KCNK1: variants seen among roughly 807,000 people sequenced by gnomAD.
The protein encoded by KCNK1 is potassium channel subfamily K member 1.
A neutral mutation model predicts 22.2 loss-of-function variants in KCNK1; 10 were observed. The ratio of observed to expected loss-of-function variants is 0.45; its 90% confidence interval spans 0.28 to 0.76. KCNK1 has a LOEUF of 0.76. Ranked by LOEUF, KCNK1 falls within the 30% of genes least tolerant of loss-of-function variation. The pLI is 0.14. For missense variants in KCNK1, 378 were observed against 421.0 expected, an observed-to-expected ratio of 0.90 and a Z score of 0.89; for synonymous variants, 200 against 186.4, an observed-to-expected ratio of 1.07 and a Z score of -0.60.
chr1:233,639,663 C>G (rs373422432), intron 1 of KCNK1, among the ~76,000 whole-genome samples: 2 of 152,194 alleles, frequency 1.3e-5, no homozygotes, highest in African/African-American at 4.8e-5. Flanking sequence ...AGAGTTGATG[C>G]TTCTTAAGCT....
intron 1 of KCNK1, among the ~76,000 whole-genome samples, chr1:233,664,147 T>C (rs1270230238): frequency 6.6e-6 from 1 of 152,118 alleles, no homozygotes; most frequent in Non-Finnish European, 1.5e-5. Flanking sequence ...GGCTTTTTTA[T>C]GGTTAAATAA....
In KCNK1 at chr1:233,653,819, T is replaced by C. The variant is rs115769846; in HGVS notation, c.356-12776T>C. Reference sequence around the variant, plus strand: ...GCCAATTCCCATAATAAATCTCTTCTTATATATCTATATATATCCTATTGC... The same window carrying C: ...GCCAATTCCCATAATAAATCTCTTCCTATATATCTATATATATCCTATTGC... On this transcript the variant is annotated intron_variant, in intron 1 of 2. Transcript: ENST00000366621. Among the ~76,000 whole-genome samples the C allele has an allele frequency of 2.3e-3, 355 of 152,206 alleles. 4 individuals are homozygous for C. The Middle Eastern group carries it at 0.041, about 17-fold the overall frequency.
At chr1:233,635,591 T>C (rs867970087) in intron 1 of KCNK1, among the ~76,000 whole-genome samples, 5 of 139,944 alleles carry the variant, frequency 3.6e-5, no homozygotes, top group Middle Eastern at 3.5e-3. Flanking sequence ...CATAAGCCAA[T>C]AATTTTTTTT....
At chr1:233,659,804 C>T (rs6424219) in intron 1 of KCNK1, among the ~76,000 whole-genome samples, 149,611 of 152,264 alleles carry the variant, frequency 0.98, 73,526 homozygotes, top group East Asian at 1. Flanking sequence ...ACATTGACTA[C>T]ACTGCCGGCA....
chr1:233,671,426 T>C lies in KCNK1; in HGVS notation c.907T>C (p.Ser303Pro). ...IIEHDQLSFS[S>P]ITDQAAGMKE... is the part of the protein sequence containing the mutation. ...AGAGCATGACCAACTGTCCTTCTCCTCGATCACAGACCAGGCAGCTGGCAT... is the reference window on the plus strand; with the variant it reads ...AGAGCATGACCAACTGTCCTTCTCCCCGATCACAGACCAGGCAGCTGGCAT... The change falls in exon 3 of 3, where the codon TCG becomes CCG. Residue 303 changes from serine (S) to proline (P), a missense_variant. Physicochemically the swap from Ser to Pro is moderately conservative, Grantham distance 74 (BLOSUM62 -1). Coordinates refer to ENST00000366621, the MANE Select transcript of KCNK1 (RefSeq NM_002245.4). 6.2e-7 allele frequency: 1 copy of C among 1,614,178 alleles called. No individual in the cohort carries two copies. The highest frequency in any genetic ancestry group is 8.5e-7 in the Non-Finnish European group (1 of 1,180,030).
chr1:233,668,251 A>C (rs1394981101), intron 2 of KCNK1, among the ~76,000 whole-genome samples: 2 of 152,176 alleles, frequency 1.3e-5, no homozygotes, highest in African/African-American at 4.8e-5. Flanking sequence ...CATAGTAGAT[A>C]CTCAAGCAGC....
At chr1:233,616,530 G>A (rs989877569) in intron 1 of KCNK1, among the ~76,000 whole-genome samples, 1 of 152,152 alleles carries the variant, frequency 6.6e-6, no homozygotes, top group Non-Finnish European at 1.5e-5. Context: ...AAGAAAGTCT[G>A]TATTCATGCA....
At chr1:233,654,728 CAT>C (rs755771294) in intron 1 of KCNK1, among the ~76,000 whole-genome samples, 20 of 152,162 alleles carry the variant, frequency 1.3e-4, no homozygotes, top group Non-Finnish European at 2.6e-4. Context: ...GTCTGAGTAA[CAT>C]AGTGAGAGTC....
intron 1 of KCNK1, among the ~76,000 whole-genome samples, chr1:233,649,329 G>A (rs1483791266): frequency 2.0e-5 from 3 of 152,148 alleles, no homozygotes; most frequent in Admixed American, 6.6e-5. Context: ...ATAAGCATGA[G>A]GAGTGCTGGA....
intron 1 of KCNK1, among the ~76,000 whole-genome samples, chr1:233,644,317 G>C (rs1423558270): frequency 6.6e-6 from 1 of 152,126 alleles, no homozygotes; most frequent in Admixed American, 6.5e-5. Flanking sequence ...CATGAATTGT[G>C]GGGGACACGG....
intron 1 of KCNK1, among the ~76,000 whole-genome samples, chr1:233,614,967 C>T (rs1435795673): frequency 6.6e-6 from 1 of 152,238 alleles, no homozygotes; most frequent in Non-Finnish European, 1.5e-5. Flanking sequence ...AAACTCACCA[C>T]CTTCCTCCCG....
rs1329335463 is a variant in KCNK1, at chr1:233,666,996, T to C, written c.751+6T>C. ...CTATAAGATTGGGATCACGTGTGAG[T>C]ATTACAGCTCCCTGGCTGCTCCTTC... On this transcript the variant is annotated splice_donor_region_variant and intron_variant, in intron 2 of 2. Coordinates refer to ENST00000366621, the MANE Select transcript of KCNK1 (RefSeq NM_002245.4). The C allele has an allele frequency of 6.3e-7, 1 of 1,584,722 alleles. No individual in the cohort carries two copies. The highest frequency in any genetic ancestry group is 1.2e-5 in the South Asian group (1 of 85,756).
chr1:233,666,668 C>T lies in KCNK1; in HGVS notation c.429C>T (p.Pro143=), dbSNP rs1658494504. The part of the protein sequence containing the change: ...FCIIYSVIGI[P]FTLLFLTAVV... ...TCATCTACTCCGTCATTGGCATTCC[C>T]TTCACCCTCCTGTTCCTGACGGCTG... is the stretch of plus-strand genomic sequence containing the variant. The change falls in exon 2 of 3, where the codon CCC becomes CCT. Residue 143 remains proline (P), a synonymous_variant. Coordinates refer to ENST00000366621, the MANE Select transcript of KCNK1 (RefSeq NM_002245.4). The T allele has an allele frequency of 1.2e-6, 2 of 1,614,150 alleles. No homozygotes were observed. The highest frequency in any genetic ancestry group is 4.5e-5 in the East Asian group (2 of 44,852).
chr1:233,636,967 C>T (rs531647199), intron 1 of KCNK1, among the ~76,000 whole-genome samples: 37 of 151,918 alleles, frequency 2.4e-4, no homozygotes, highest in African/African-American at 7.7e-4. Flanking sequence ...GAGGCCATGG[C>T]GGGAGGATCA....
intron 1 of KCNK1, chr1:233,655,914 A>C (rs1658288290): frequency 6.6e-6 from 1 of 152,088 alleles, no homozygotes; most frequent in African/African-American, 2.4e-5. Context: ...GAAAAAAAAA[A>C]AACGGCTCCA....
At chr1:233,620,418 C>G (rs890120681) in intron 1 of KCNK1, among the ~76,000 whole-genome samples, 2 of 152,192 alleles carry the variant, frequency 1.3e-5, no homozygotes, top group African/African-American at 4.8e-5. Context: ...TGGTATGCAA[C>G]ATTGAATAAA....
At chr1:233,637,897 G>A (rs1657930709) in intron 1 of KCNK1, among the ~76,000 whole-genome samples, 1 of 152,002 alleles carries the variant, frequency 6.6e-6, no homozygotes, top group African/African-American at 2.4e-5. Context: ...TGGAGGGAGA[G>A]GGATAGGCAA....
chr1:233,635,684 A>G (rs919661093), intron 1 of KCNK1, among the ~76,000 whole-genome samples: 1 of 152,186 alleles, frequency 6.6e-6, no homozygotes, highest in African/African-American at 2.4e-5. Flanking sequence ...ATACTTGGGC[A>G]AAATATTTTG....
intron 1 of KCNK1, among the ~76,000 whole-genome samples, chr1:233,654,375 A>C (rs1302981289): frequency 6.6e-6 from 1 of 152,214 alleles, no homozygotes; most frequent in African/African-American, 2.4e-5. Context: ...TTTTTTTAAA[A>C]AGCGTCAGAG....
Sources: allele counts gnomAD v4.1 joint callset (sites outside exome capture counted in the v4.1 genomes callset), GRCh38; gene constraint gnomAD v4.1.1; transcripts MANE v1.5; gene names NCBI Gene and HGNC (gene_info 2026-07-23, HGNC 2026-07-21).